PTN: variants seen among roughly 807,000 people sequenced by gnomAD.
PTN encodes the protein heparin affin regulatory protein.
PTN carries 18 observed loss-of-function variants against 24.1 expected under a neutral mutation model. That is an observed-to-expected ratio of 0.75 (90% confidence interval 0.52 to 1.11). PTN has a LOEUF of 1.11. PTN is among the 50% of genes least tolerant of loss of function. PTN has a pLI of 0.00. For synonymous variants in PTN, 78 were observed against 68.6 expected, an observed-to-expected ratio of 1.14 and a Z score of -0.67; for missense variants, 163 against 198.8, an observed-to-expected ratio of 0.82 and a Z score of 1.08.
intron 4 of PTN, among the ~76,000 whole-genome samples, chr7:137,248,032 G>T (rs1014212670): frequency 2.6e-5 from 4 of 152,078 alleles, no homozygotes; most frequent in Admixed American, 6.6e-5. Context: ...CCACCCGCAA[G>T]GATATATGGG....
chr7:137,265,836 A>T (rs1033349466), intron 1 of PTN, among the ~76,000 whole-genome samples: 10 of 151,654 alleles, frequency 6.6e-5, no homozygotes, highest in Non-Finnish European at 1.2e-4. Flanking sequence ...CTTAATTGCC[A>T]AAGTTTGTTT....
chr7:137,271,542 A>G (rs1809275259), intron 1 of PTN, among the ~76,000 whole-genome samples: 1 of 152,260 alleles, frequency 6.6e-6, no homozygotes, highest in Admixed American at 6.5e-5. Context: ...TTTTCTCTTT[A>G]TAATATAACT....
At chr7:137,247,465 G>A (rs13229687) in intron 4 of PTN, among the ~76,000 whole-genome samples, 29,882 of 151,940 alleles carry the variant, frequency 0.2, 3,691 homozygotes, top group African/African-American at 0.36. Context: ...ATCTAAAATC[G>A]AAACAAACTC....
chr7:137,267,454 G>A (rs1050156664), intron 1 of PTN, among the ~76,000 whole-genome samples: 18 of 152,008 alleles, frequency 1.2e-4, no homozygotes, highest in South Asian at 2.1e-4. Flanking sequence ...ACTGGTCTGC[G>A]TGCCTTGGCT....
rs1808351252 is a variant in PTN at position 137,227,386 on chromosome 7, C to T, written c.*634G>A. ...TGATTTATTTTCCTAGTATTTTTTT[C>T]CTCAGATGGAAAAATAATTTCATCA... On this transcript the variant is annotated 3_prime_UTR_variant, in exon 5 of 5. Transcript: ENST00000348225. 1.3e-5 allele frequency: 2 copies of T among 149,418 alleles called. No individual in the cohort carries two copies. Among genetic ancestry groups the T allele is most frequent in the African/African-American group, 4.9e-5 (2 of 40,758 alleles). The allele number at this position is 149,418 out of a possible 1,614,324, so 9.3% of individuals were successfully genotyped here.
chr7:137,247,565 AAG>A (rs1246685502), intron 4 of PTN, among the ~76,000 whole-genome samples: 2 of 152,174 alleles, frequency 1.3e-5, no homozygotes, highest in African/African-American at 4.8e-5. Context: ...AAAAAATAGA[AAG>A]AATGAATAAG....
At chr7:137,245,163 A>T (rs55650612) in intron 4 of PTN, among the ~76,000 whole-genome samples, 5 of 152,350 alleles carry the variant, frequency 3.3e-5, no homozygotes, top group Admixed American at 2.6e-4. Context: ...GTAAGCAAAG[A>T]AGTTCTCTAA....
At chr7:137,301,735 A>T (rs1291590940) in intron 1 of PTN, among the ~76,000 whole-genome samples, 1 of 151,908 alleles carries the variant, frequency 6.6e-6, no homozygotes, top group Non-Finnish European at 1.5e-5. Flanking sequence ...AAAAAATCAA[A>T]CATGCTAACA....
chr7:137,273,618 A>G (rs1229957567), intron 1 of PTN, among the ~76,000 whole-genome samples: 1 of 152,214 alleles, frequency 6.6e-6, no homozygotes, highest in Non-Finnish European at 1.5e-5. Flanking sequence ...TAAAATATTC[A>G]GTGACAAATG....
intron 1 of PTN, among the ~76,000 whole-genome samples, chr7:137,302,242 G>A (rs1352693278): frequency 5.9e-5 from 9 of 151,942 alleles, no homozygotes; most frequent in Non-Finnish European, 1.3e-4. Context: ...CTAATCCTCA[G>A]AGAAGCTAAA....
In PTN at chr7:137,319,480, G is replaced by A. The variant is rs140472799; in HGVS notation, c.-2+23959C>T. Among the ~76,000 whole-genome samples, 5 of 152,214 alleles carry A rather than the reference G, an allele frequency of 3.3e-5. No individual in the cohort carries two copies. The East Asian group carries it at 9.6e-4, about 29-fold the overall frequency. On this transcript the variant is annotated intron_variant, in intron 1 of 4. Transcript: ENST00000348225. ...TGACATTGAATCAAGGCACTCCAAG[G>A]GGCTGAAAGCGAACATCTCTTTGTC...
intron 4 of PTN, among the ~76,000 whole-genome samples, chr7:137,233,919 T>C (rs892678383): frequency 1.3e-5 from 2 of 150,280 alleles, no homozygotes; most frequent in African/African-American, 2.5e-5. Context: ...CATACATATA[T>C]GTATATATGT....
intron 1 of PTN, among the ~76,000 whole-genome samples, chr7:137,314,265 C>T (rs1478489107): frequency 6.6e-6 from 1 of 152,162 alleles, no homozygotes; most frequent in Non-Finnish European, 1.5e-5. Context: ...GTACTCCATG[C>T]ATTAAAGTGG....
At chr7:137,269,060 C>T (rs929431483) in intron 1 of PTN, among the ~76,000 whole-genome samples, 7 of 152,088 alleles carry the variant, frequency 4.6e-5, no homozygotes, top group Non-Finnish European at 8.8e-5. Context: ...TTTTTCTGTT[C>T]ATTCTCTCCT....
chr7:137,229,974 T>C (rs1042079517), intron 4 of PTN, among the ~76,000 whole-genome samples: 3 of 151,824 alleles, frequency 2.0e-5, no homozygotes, highest in Non-Finnish European at 2.9e-5. Flanking sequence ...GACCTAACTC[T>C]GGTTTTCCCT....
intron 1 of PTN, among the ~76,000 whole-genome samples, chr7:137,255,569 C>A (rs529961923): frequency 1.8e-4 from 27 of 152,252 alleles, no homozygotes; most frequent in African/African-American, 5.8e-4. Flanking sequence ...AAGAGTGAAT[C>A]CCAGAAGTAG....
chr7:137,294,846 T>C (rs1809694678), intron 1 of PTN, among the ~76,000 whole-genome samples: 1 of 152,180 alleles, frequency 6.6e-6, no homozygotes, highest in South Asian at 2.1e-4. Context: ...GATATGGGTG[T>C]CAGATATCAC....
chr7:137,307,670 T>C (rs1809911517), intron 1 of PTN, among the ~76,000 whole-genome samples: 1 of 152,122 alleles, frequency 6.6e-6, no homozygotes, highest in African/African-American at 2.4e-5. Context: ...ATATTTAATG[T>C]GAGTAATCCA....
At chr7:137,327,057 G>A (rs545078365) in intron 1 of PTN, 4 of 152,248 alleles carry the variant, frequency 2.6e-5, no homozygotes, top group South Asian at 2.1e-4. Flanking sequence ...AAATTTTCAC[G>A]GACGTGACGG....
Sources: allele counts gnomAD v4.1 joint callset (sites outside exome capture counted in the v4.1 genomes callset), GRCh38; gene constraint gnomAD v4.1.1; transcripts MANE v1.5; gene names NCBI Gene and HGNC (gene_info 2026-07-23, HGNC 2026-07-21).